RCAN2: variants seen among roughly 807,000 people sequenced by gnomAD.
The protein encoded by RCAN2 is regulator of calcineurin 2, also known as calcipressin-2.
In RCAN2, 9 loss-of-function variants were observed where a neutral mutation model predicts 23.6. That is an observed-to-expected ratio of 0.38 (90% CI 0.23 to 0.67). The LOEUF (loss-of-function observed/expected upper bound fraction) is 0.67, where lower values mean the gene tolerates loss of function less well. RCAN2 is among the 30% of genes least tolerant of loss of function. The pLI, the probability that RCAN2 is intolerant of heterozygous loss-of-function variation, is 0.51. For missense variants in RCAN2, 273 were observed against 302.3 expected (o/e 0.90, Z 0.72); for synonymous variants, 109 against 115.7 (o/e 0.94, Z 0.37).
chr6:46,452,395 T>C (rs1426090246), intron 2 of RCAN2, among the ~76,000 whole-genome samples: 2 of 152,210 alleles, frequency 1.3e-5, no homozygotes, highest in African/African-American at 4.8e-5. Flanking sequence ...TTGTTTTTCT[T>C]GTTGCATTAC....
At chr6:46,321,438 A>G (rs570647003) in intron 2 of RCAN2, among the ~76,000 whole-genome samples, 183 of 152,312 alleles carry the variant, frequency 1.2e-3, no homozygotes, top group African/African-American at 4.1e-3. Flanking sequence ...CTCAAGTGCC[A>G]AGGGTCTTTG....
intron 2 of RCAN2, among the ~76,000 whole-genome samples, chr6:46,429,154 A>G (rs1364400715): frequency 3.9e-5 from 6 of 152,150 alleles, no homozygotes; most frequent in African/African-American, 1.4e-4. Flanking sequence ...AAATGCACCT[A>G]AAGTATAGAA....
At chr6:46,435,676 C>T (rs1262304151) in intron 2 of RCAN2, among the ~76,000 whole-genome samples, 1 of 152,188 alleles carries the variant, frequency 6.6e-6, no homozygotes, top group Non-Finnish European at 1.5e-5. Context: ...CCTTTAATTA[C>T]TCACAAAGAA....
At chr6:46,431,023 A>G (rs1304262541) in intron 2 of RCAN2, among the ~76,000 whole-genome samples, 1 of 152,152 alleles carries the variant, frequency 6.6e-6, no homozygotes, top group Non-Finnish European at 1.5e-5. Flanking sequence ...GAAGCAGAAT[A>G]TGGAAGCAGG....
Position 46,288,474 on chromosome 6 carries a change from A to C in RCAN2, c.226-39578T>G, listed in dbSNP as rs747529736. The stretch of plus-strand genomic sequence containing the variant: ...TTCACCCACCTTCAATATTCCCTCT[A>C]TGGATACCCTCTGAGGATTCTAATA... On this transcript the variant is annotated intron_variant, in intron 2 of 4. Transcript: ENST00000371374. Among the ~76,000 whole-genome samples the C allele has an allele frequency of 1.0e-3, 154 of 152,210 alleles. 1 individual carries two copies. The highest frequency in any genetic ancestry group is 3.6e-3 in the African/African-American group (149 of 41,460).
chr6:46,234,413 C>T (rs143048949), intron 4 of RCAN2, among the ~76,000 whole-genome samples: 76 of 152,300 alleles, frequency 5.0e-4, no homozygotes, highest in East Asian at 1.9e-3. Context: ...CAAGGGCTGA[C>T]GTCAATGCTG....
At chr6:46,260,609 A>T (rs1203870056) in intron 2 of RCAN2, among the ~76,000 whole-genome samples, 1 of 152,160 alleles carries the variant, frequency 6.6e-6, no homozygotes, top group Non-Finnish European at 1.5e-5. Context: ...CCATGCAGTG[A>T]CTGTCCATCC....
chr6:46,386,149 A>G (rs977225123), intron 2 of RCAN2, among the ~76,000 whole-genome samples: 4 of 152,178 alleles, frequency 2.6e-5, no homozygotes, highest in Non-Finnish European at 5.9e-5. Flanking sequence ...TCCAGAATTT[A>G]CAAGGAACTT....
In RCAN2 at chr6:46,458,028, C is replaced by T. The variant is rs186932589; in HGVS notation, c.-2-1050G>A. Among the ~76,000 whole-genome samples the T allele has an allele frequency of 2.2e-3, 328 of 152,208 alleles. 1 individual carries two copies. Among genetic ancestry groups the T allele is most frequent in the Admixed American group, 5.8e-3 (89 of 15,294 alleles). On this transcript the variant is annotated intron_variant, in intron 1 of 4. Transcript: ENST00000371374. ...CTGTGATACTATTCTGCTCAAAGCT[C>T]AATAGTTAAGAGGCTCGGAAAGTGA... is the stretch of plus-strand genomic sequence containing the variant.
chr6:46,259,419 T>G (rs2150324959), intron 2 of RCAN2, among the ~76,000 whole-genome samples: 1 of 152,332 alleles, frequency 6.6e-6, no homozygotes. Context: ...GTGTGAAGTA[T>G]GTACTGTGCA....
At chr6:46,389,158 T>G (rs1281511541) in intron 2 of RCAN2, among the ~76,000 whole-genome samples, 1 of 152,174 alleles carries the variant, frequency 6.6e-6, no homozygotes, top group Non-Finnish European at 1.5e-5. Context: ...TTTCAGAGGC[T>G]TCCTGTGACC....
intron 4 of RCAN2, among the ~76,000 whole-genome samples, chr6:46,233,027 T>C (rs1465171589): frequency 6.6e-6 from 1 of 151,726 alleles, no homozygotes; most frequent in East Asian, 1.9e-4. Context: ...TGCTGGAAAA[T>C]GGTAAATGGT....
chr6:46,378,076 C>T lies in RCAN2; in HGVS notation c.225+78676G>A, dbSNP rs555408755. On this transcript the variant is annotated intron_variant, in intron 2 of 4. Coordinates refer to ENST00000371374, the MANE Select transcript of RCAN2 (RefSeq NM_001251974.2). ...ACATAGTAGGCACTAACTAAATATT[C>T]GCTGATTGATTAGCTAATTTCTTGC... Among the ~76,000 whole-genome samples the T allele has an allele frequency of 1.8e-4, 27 of 152,270 alleles. 1 individual carries two copies. In the East Asian group the frequency reaches 3.5e-3, roughly 20 times the overall value.
chr6:46,285,184 A>G lies in RCAN2; in HGVS notation c.226-36288T>C, dbSNP rs1037479792. Among the ~76,000 whole-genome samples the G allele has an allele frequency of 2.8e-4, 43 of 152,328 alleles. 1 individual carries two copies. The South Asian group carries it at 3.7e-3, about 13-fold the overall frequency. On this transcript the variant is annotated intron_variant, in intron 2 of 4. Transcript: ENST00000371374. ...TCTAGTTATGTGTGTGTATGCGTAAAATTATGCAACATGTAATGTTCACCA... is the reference window on the plus strand; with the variant it reads ...TCTAGTTATGTGTGTGTATGCGTAAGATTATGCAACATGTAATGTTCACCA...
intron 4 of RCAN2, among the ~76,000 whole-genome samples, chr6:46,238,262 C>T (rs1766177848): frequency 6.6e-6 from 1 of 152,172 alleles, no homozygotes; most frequent in South Asian, 2.1e-4. Context: ...ACTCTTCTTT[C>T]TGCACACATC....
chr6:46,229,151 G>C (rs997928233), intron 4 of RCAN2, among the ~76,000 whole-genome samples: 4 of 152,170 alleles, frequency 2.6e-5, no homozygotes, highest in Non-Finnish European at 4.4e-5. Context: ...TGTTAGTCTG[G>C]TGGGCTTTCC....
chr6:46,325,302 T>A, intron 2 of RCAN2: 1 of 1,429,770 alleles, frequency 7.0e-7, no homozygotes, highest in Non-Finnish European at 9.6e-7. Context: ...CTGAAAACTA[T>A]TAACCAAAGT....
intron 2 of RCAN2, among the ~76,000 whole-genome samples, chr6:46,318,288 T>G (rs189291799): frequency 6.6e-6 from 1 of 152,304 alleles, no homozygotes; most frequent in Non-Finnish European, 1.5e-5. Context: ...ATTGAAGATG[T>G]TGTTTTAGGA....
At chr6:46,335,238 T>A (rs60870663) in intron 2 of RCAN2, among the ~76,000 whole-genome samples, 64,373 of 151,990 alleles carry the variant, frequency 0.42, 15,038 homozygotes, top group East Asian at 0.6. Context: ...AAAGAAAAAG[T>A]GGAGAAAGGA....
Sources: gnomAD v4.1 joint callset for allele counts (sites outside exome capture counted in the v4.1 genomes callset) on GRCh38, gnomAD v4.1.1 for gene constraint, MANE v1.5 for transcripts, NCBI Gene and HGNC (gene_info 2026-07-23, HGNC 2026-07-21) for gene names.